The following RAB3GAP2 variants were observed in gnomAD, a reference collection of about 807,000 sequenced individuals.
The protein encoded by RAB3GAP2 is RAB3 GTPase activating non-catalytic protein subunit 2, also known as rab3 GTPase-activating protein non-catalytic subunit.
Under a neutral mutation model 185.3 loss-of-function variants are expected in RAB3GAP2, and 87 were observed. The observed-to-expected ratio is 0.47, with a 90% CI of 0.39 to 0.56. The LOEUF is 0.56. Ranked by LOEUF, RAB3GAP2 falls within the 20% of genes least tolerant of loss-of-function variation. The probability of loss-of-function intolerance (pLI) is 0.00; values close to 1 mark genes in which losing one functional copy is unlikely to be tolerated. For missense variants in RAB3GAP2, 1,492 were observed against 1,638.2 expected (o/e 0.91, Z 1.54); for synonymous variants, 554 against 576.1 (o/e 0.96, Z 0.55).
At chr1:220,178,409 G>A (rs1458566502) in intron 21 of RAB3GAP2, among the ~76,000 whole-genome samples, 1 of 152,016 alleles carries the variant, frequency 6.6e-6, no homozygotes, top group Non-Finnish European at 1.5e-5. Flanking sequence ...TTAGTAAGAA[G>A]ACTAAAAGAA....
At chr1:220,224,952 G>T (rs949347996) in intron 2 of RAB3GAP2, among the ~76,000 whole-genome samples, 1 of 152,132 alleles carries the variant, frequency 6.6e-6, no homozygotes, top group African/African-American at 2.4e-5. Context: ...CCAGTAGTCA[G>T]GTCCCAGGCT....
intron 34 of RAB3GAP2, 58 bp downstream of exon 34, chr1:220,151,548 C>T: frequency 6.3e-7 from 1 of 1,586,126 alleles, no homozygotes; most frequent in Non-Finnish European, 8.7e-7. Flanking sequence ...TGTTATTAAC[C>T]AGGCACTCAA....
Position 220,153,384 on chromosome 1 carries a change from G to T in RAB3GAP2, c.3668C>A (p.Ala1223Glu). 6.2e-7 allele frequency: 1 copy of T among 1,614,100 alleles called. No homozygotes were observed. Among genetic ancestry groups the T allele is most frequent in the Non-Finnish European group, 8.5e-7 (1 of 1,179,964 alleles). Residue 1223 changes from alanine (A) to glutamate (E), a missense_variant, in exon 33 of 35, where the codon GCA (alanine) becomes GAA (glutamate). Ala to Glu is a moderately radical substitution (Grantham distance 107). Around this residue, in one of 5 missense-constraint regions of RAB3GAP2, gnomAD observed 387 missense variants for 455.3 expected, o/e 0.85. Coordinates refer to ENST00000358951, the MANE Select transcript of RAB3GAP2 (RefSeq NM_012414.4). ...RQQFLLKVVS[A>E]AVQAQHSATK... ...GGCTGAATGTTGGGCCTGGACAGCT[G>T]CACTGACAACTTTCAATAAGAACTT...
Position 220,153,302 on chromosome 1 carries a change from T to C in RAB3GAP2, c.3750A>G (p.Gln1250=), listed in dbSNP as rs1341050638. 6 of 1,614,220 alleles carry C rather than the reference T, an allele frequency of 3.7e-6. No individual in the cohort carries two copies. The highest frequency in any genetic ancestry group is 1.1e-5 in the South Asian group (1 of 91,090). The change falls in exon 33 of 35, where the codon CAA becomes CAG. Residue 1250 remains glutamine, a synonymous_variant. Transcript: ENST00000358951. The stretch of plus-strand genomic sequence containing the variant: ...AATCCACAGCTAGAGCTGGCCAATC[T>C]TGGTCTTTCCCAAAAGGAGTGGGTG... ...EATPTPFGKD[Q]DWPALAVDLA...
At chr1:220,244,486 C>T (rs1190576285) in intron 1 of RAB3GAP2, among the ~76,000 whole-genome samples, 1 of 149,556 alleles carries the variant, frequency 6.7e-6, no homozygotes, top group Non-Finnish European at 1.5e-5. Flanking sequence ...CTGCCCAAAG[C>T]AATCTACACA....
At chr1:220,237,398 T>C (rs1259538617) in intron 1 of RAB3GAP2, among the ~76,000 whole-genome samples, 1 of 152,268 alleles carries the variant, frequency 6.6e-6, no homozygotes, top group East Asian at 1.9e-4. Context: ...TTCGTTTTAC[T>C]GTAGTCCAAT....
chr1:220,261,857 C>A (rs1484388735), intron 1 of RAB3GAP2, among the ~76,000 whole-genome samples: 1 of 152,132 alleles, frequency 6.6e-6, no homozygotes, highest in Non-Finnish European at 1.5e-5. Context: ...GATATTGATC[C>A]TTTTAGCAGT....
intron 1 of RAB3GAP2, among the ~76,000 whole-genome samples, chr1:220,265,297 TG>T: frequency 6.6e-6 from 1 of 152,228 alleles, no homozygotes; most frequent in East Asian, 2.0e-4. Flanking sequence ...AAACATGAAT[TG>T]ATTATTTCAA....
intron 1 of RAB3GAP2, among the ~76,000 whole-genome samples, chr1:220,269,286 G>T (rs1660289171): frequency 6.6e-6 from 1 of 152,236 alleles, no homozygotes; most frequent in South Asian, 2.1e-4. Flanking sequence ...CAACAAAAAA[G>T]AGCGTCTGAA....
chr1:220,208,387 G>A (rs1179069806), intron 7 of RAB3GAP2: 1 of 152,046 alleles, frequency 6.6e-6, no homozygotes, highest in East Asian at 1.9e-4. Context: ...TAAGTCTTCA[G>A]CCTGCAGTTT....
intron 1 of RAB3GAP2, among the ~76,000 whole-genome samples, chr1:220,260,476 T>C (rs1016297425): frequency 3.3e-5 from 5 of 152,112 alleles, no homozygotes; most frequent in African/African-American, 1.2e-4. Flanking sequence ...GCCATTATTC[T>C]CAGCAAACTA....
At chr1:220,196,137 T>C (rs1658718459) in intron 10 of RAB3GAP2, 113 bp downstream of exon 10, 1 of 1,218,698 alleles carries the variant, frequency 8.2e-7, no homozygotes, top group Non-Finnish European at 1.2e-6. Context: ...AATTGAAATT[T>C]AGAAATGTAA....
Position 220,153,386 on chromosome 1 carries a change from A to T in RAB3GAP2, c.3666T>A (p.Ser1222Arg). The T allele has an allele frequency of 6.2e-7, 1 of 1,614,162 alleles. No homozygotes were observed. The highest frequency in any genetic ancestry group is 2.2e-5 in the East Asian group (1 of 44,886). Residue 1222 changes from serine (S) to arginine (R), a missense_variant, in exon 33 of 35, where the codon AGT (serine) becomes AGA (arginine). Physicochemically the swap from Ser to Arg is moderately radical, Grantham distance 110. This residue lies in a region of RAB3GAP2 where 387 missense variants were observed against 455.3 expected (regional missense o/e 0.85). Transcript: ENST00000358951. Reference protein sequence around the residue: ...VRQQFLLKVVSAAVQAQHSAT... With the variant: ...VRQQFLLKVVRAAVQAQHSAT... ...CTGAATGTTGGGCCTGGACAGCTGC[A>T]CTGACAACTTTCAATAAGAACTTGA...
At chr1:220,253,753 G>A in intron 1 of RAB3GAP2, 3 of 1,611,738 alleles carry the variant, frequency 1.9e-6, no homozygotes, top group East Asian at 4.5e-5. Context: ...GGAGAGCAGA[G>A]TACTCAAATA....
chr1:220,182,222 GGAA>G, intron 21 of RAB3GAP2, 32 bp downstream of exon 21: 1 of 1,612,568 alleles, frequency 6.2e-7, no homozygotes, highest in South Asian at 1.1e-5. Flanking sequence ...ACATTCACAA[GGAA>G]GAACAGCATC....
At chr1:220,233,981 G>A (rs986905794) in intron 1 of RAB3GAP2, among the ~76,000 whole-genome samples, 3 of 152,118 alleles carry the variant, frequency 2.0e-5, no homozygotes, top group Non-Finnish European at 2.9e-5. Flanking sequence ...GATTACAGGC[G>A]TGGATCACCA....
At chr1:220,204,532 T>C (rs1395017183) in intron 8 of RAB3GAP2, among the ~76,000 whole-genome samples, 1 of 152,114 alleles carries the variant, frequency 6.6e-6, no homozygotes, top group East Asian at 1.9e-4. Context: ...CCATTAAGGC[T>C]CCTCTACTCA....
intron 24 of RAB3GAP2, among the ~76,000 whole-genome samples, chr1:220,168,915 A>T (rs1216876643): frequency 6.6e-6 from 1 of 152,234 alleles, no homozygotes; most frequent in Non-Finnish European, 1.5e-5. Context: ...GTCTTTCCTC[A>T]TCTTTTGATT....
intron 1 of RAB3GAP2, among the ~76,000 whole-genome samples, chr1:220,261,715 T>C (rs948845903): frequency 6.6e-6 from 1 of 152,226 alleles, no homozygotes; most frequent in Non-Finnish European, 1.5e-5. Flanking sequence ...TCTTTACAGC[T>C]ACCAAATATA....
Sources: gnomAD v4.1 joint callset for allele counts (sites outside exome capture counted in the v4.1 genomes callset) on GRCh38, gnomAD v4.1.1 for gene constraint, gnomAD v4.1.1 regional missense constraint, MANE v1.5 for transcripts, NCBI Gene and HGNC (gene_info 2026-07-23, HGNC 2026-07-21) for gene names.